The following CMTM7 variants were observed in gnomAD, a reference collection of about 807,000 sequenced individuals.
CMTM7 encodes CKLF-like MARVEL transmembrane domain-containing protein 7.
CMTM7 carries 7 observed loss-of-function variants against 19.3 expected under a neutral mutation model. That is an observed-to-expected ratio of 0.36 (90% CI 0.21 to 0.68). The LOEUF (loss-of-function observed/expected upper bound fraction) is 0.68, where lower values mean the gene tolerates loss of function less well. Among genes scored for constraint, CMTM7 ranks in the 30% least tolerant of loss-of-function variants. The probability of loss-of-function intolerance (pLI) is 0.60; values close to 1 mark genes in which losing one functional copy is unlikely to be tolerated. For synonymous variants in CMTM7, 87 were observed against 99.3 expected (o/e 0.88, Z 0.74); for missense variants, 193 against 232.6 (o/e 0.83, Z 1.11).
chr3:32,436,038 G>A (rs1359457737), intron 1 of CMTM7, among the ~76,000 whole-genome samples: 2 of 152,226 alleles, frequency 1.3e-5, no homozygotes, highest in Admixed American at 1.3e-4. Flanking sequence ...GCAAACAGGT[G>A]ACTCTGCTGT....
chr3:32,401,655 C>G lies in CMTM7; in HGVS notation c.159+9590C>G, dbSNP rs1366532941. On this transcript the variant is annotated intron_variant, in intron 1 of 4. Coordinates refer to ENST00000334983, the MANE Select transcript of CMTM7 (RefSeq NM_138410.4). ...CCATCTGTTTCCTCCCCTCTGCCAT[C>G]TGCCTCGCGCCGGGCCCAGCGTGCG... 2.0e-5 allele frequency among the ~76,000 whole-genome samples: 3 copies of G among 152,280 alleles called. No individual in the cohort carries two copies. In the East Asian group the frequency reaches 5.8e-4, roughly 29 times the overall value.
intron 1 of CMTM7, among the ~76,000 whole-genome samples, chr3:32,436,487 A>G (rs903805446): frequency 1.3e-5 from 2 of 152,192 alleles, no homozygotes; most frequent in Non-Finnish European, 2.9e-5. Flanking sequence ...CAGGCACTGC[A>G]TCCTCATCTG....
chr3:32,450,808 G>A lies in CMTM7; in HGVS notation c.432+1256G>A, dbSNP rs540229242. On this transcript the variant is annotated intron_variant, in intron 3 of 4. Transcript: ENST00000334983. The stretch of plus-strand genomic sequence containing the variant: ...CCCACTGTGTTTAGTAATTCAGGTT[G>A]CACATAACTGTTTAGCCCTGGAATC... Among the ~76,000 whole-genome samples the A allele has an allele frequency of 9.8e-5, 15 of 152,300 alleles. No individual in the cohort carries two copies. The East Asian group carries it at 2.7e-3, about 27-fold the overall frequency.
intron 3 of CMTM7, among the ~76,000 whole-genome samples, chr3:32,450,347 G>A (rs767170082): frequency 1.3e-5 from 2 of 152,180 alleles, no homozygotes; most frequent in Non-Finnish European, 2.9e-5. Flanking sequence ...GAATGCTTGT[G>A]CCCAGGAGTT....
intron 1 of CMTM7, among the ~76,000 whole-genome samples, chr3:32,435,132 G>A (rs116485755): frequency 1.1e-4 from 17 of 152,258 alleles, no homozygotes; most frequent in African/African-American, 3.9e-4. Context: ...GACCAGGCAC[G>A]GTGGCTCACG....
intron 1 of CMTM7, among the ~76,000 whole-genome samples, chr3:32,406,102 A>G (rs942692835): frequency 6.6e-6 from 1 of 152,144 alleles, no homozygotes; most frequent in Non-Finnish European, 1.5e-5. Flanking sequence ...GAGCATACCT[A>G]CGCCCACTGC....
intron 1 of CMTM7, among the ~76,000 whole-genome samples, chr3:32,411,112 T>C (rs58118804): frequency 0.039 from 5,880 of 152,302 alleles, 380 homozygotes; most frequent in African/African-American, 0.13. Flanking sequence ...CCGCAGGGGA[T>C]ACAGCTGTGA....
At chr3:32,437,937 A>G (rs572690220) in intron 1 of CMTM7, among the ~76,000 whole-genome samples, 11 of 152,318 alleles carry the variant, frequency 7.2e-5, no homozygotes, top group Non-Finnish European at 1.3e-4. Context: ...TATGTTAGAT[A>G]TTTTATTTTT....
Position 32,424,712 on chromosome 3 carries a change from A to G in CMTM7, c.160-17128A>G, listed in dbSNP as rs1268030919. ...CAGGCTGGAGTGCAGTGGCTTGATC[A>G]TGGCTCACTGCAGTCTCAACCTCCC... On this transcript the variant is annotated intron_variant, in intron 1 of 4. Transcript: ENST00000334983. 3.3e-5 allele frequency among the ~76,000 whole-genome samples: 5 copies of G among 150,602 alleles called. No individual in the cohort carries two copies. The South Asian group carries it at 8.3e-4, about 25-fold the overall frequency.
intron 1 of CMTM7, among the ~76,000 whole-genome samples, chr3:32,435,349 A>G (rs1417755265): frequency 6.6e-5 from 10 of 152,260 alleles, no homozygotes; most frequent in African/African-American, 2.4e-4. Flanking sequence ...GCTTGCAGTG[A>G]GCGGAGCTTG....
chr3:32,430,524 C>T (rs1696500175), intron 1 of CMTM7, among the ~76,000 whole-genome samples: 1 of 152,158 alleles, frequency 6.6e-6, no homozygotes, highest in Non-Finnish European at 1.5e-5. Flanking sequence ...ACTAGGGACA[C>T]CACAGTGAAT....
At chr3:32,405,420 A>G (rs1387506580) in intron 1 of CMTM7, among the ~76,000 whole-genome samples, 2 of 152,222 alleles carry the variant, frequency 1.3e-5, no homozygotes, top group Non-Finnish European at 2.9e-5. Flanking sequence ...CATGTTTATC[A>G]CTGGGCTGTG....
intron 1 of CMTM7, among the ~76,000 whole-genome samples, chr3:32,411,936 G>T (rs1045030022): frequency 2.0e-4 from 31 of 152,172 alleles, no homozygotes; most frequent in African/African-American, 5.6e-4. Context: ...AGGGAAAGGT[G>T]GAAGGGTGTC....
intron 1 of CMTM7, among the ~76,000 whole-genome samples, chr3:32,440,296 A>G (rs1371745895): frequency 1.3e-5 from 2 of 150,056 alleles, no homozygotes; most frequent in Non-Finnish European, 3.0e-5. Context: ...AGTCCCAGCT[A>G]CTCTGGAGGC....
intron 1 of CMTM7, among the ~76,000 whole-genome samples, chr3:32,438,913 A>G (rs775938409): frequency 2.5e-4 from 38 of 152,340 alleles, no homozygotes; most frequent in Non-Finnish European, 2.1e-4. Context: ...TAATCTCTGC[A>G]TTAAACTAGA....
chr3:32,438,666 G>A (rs958041094), intron 1 of CMTM7, among the ~76,000 whole-genome samples: 2 of 152,126 alleles, frequency 1.3e-5, no homozygotes, highest in African/African-American at 4.8e-5. Context: ...ATGGCCATAG[G>A]CCCAGTGAAC....
chr3:32,455,076 C>G lies in CMTM7; in HGVS notation c.*822C>G, dbSNP rs565362312. 6.5e-6 allele frequency: 1 copy of G among 152,996 alleles called. No homozygotes were observed. Among genetic ancestry groups the G allele is most frequent in the Admixed American group, 6.5e-5 (1 of 15,378 alleles). 9.5% of individuals were successfully genotyped at this position (152,996 alleles called of 1,614,324 possible). A position where few individuals can be genotyped will look rare whatever the true frequency, so the allele number is the denominator to read the frequency against. The stretch of plus-strand genomic sequence containing the variant: ...TCACGTCCTCCTTCTCCTGCAATAC[C>G]AATCTTCTCATTTTGGAAAGAGCTT... On this transcript the variant is annotated 3_prime_UTR_variant, in exon 5 of 5. Coordinates refer to ENST00000334983, the MANE Select transcript of CMTM7 (RefSeq NM_138410.4).
intron 4 of CMTM7, among the ~76,000 whole-genome samples, chr3:32,452,972 T>C (rs1372041515): frequency 2.2e-5 from 3 of 134,474 alleles, no homozygotes; most frequent in African/African-American, 8.2e-5. Context: ...AGTCTCACCA[T>C]GTTGCCCAGG....
chr3:32,434,021 C>G (rs1405973220), intron 1 of CMTM7, among the ~76,000 whole-genome samples: 1 of 151,870 alleles, frequency 6.6e-6, no homozygotes, highest in Non-Finnish European at 1.5e-5. Context: ...AATCCTATCT[C>G]TACTAAAATA....
Sources: gnomAD v4.1 joint callset for allele counts (sites outside exome capture counted in the v4.1 genomes callset) on GRCh38, gnomAD v4.1.1 for gene constraint, MANE v1.5 for transcripts, NCBI Gene and HGNC (gene_info 2026-07-23, HGNC 2026-07-21) for gene names.